TAF3: variants seen among roughly 807,000 people sequenced by gnomAD.
TAF3 encodes TATA-box binding protein associated factor 3.
TAF3 carries 7 observed loss-of-function variants against 80.6 expected under a neutral mutation model. The observed-to-expected ratio is 0.09, with a 90% CI of 0.05 to 0.16. TAF3 has a LOEUF of 0.16. TAF3 is among the 10% of genes least tolerant of loss of function. The probability of loss-of-function intolerance (pLI) is 1.00; values close to 1 mark genes in which losing one functional copy is unlikely to be tolerated. For missense variants in TAF3, 921 were observed against 1,140.2 expected (o/e 0.81, Z 2.77); for synonymous variants, 444 against 446.1 (o/e 1.00, Z 0.06).
At chr10:7,822,933 C>T (rs573083092) in intron 1 of TAF3, among the ~76,000 whole-genome samples, 2 of 152,264 alleles carry the variant, frequency 1.3e-5, no homozygotes, top group East Asian at 3.9e-4. Flanking sequence ...TTTCTAATTA[C>T]ATTTGAAAAT....
chr10:7,852,561 T>C (rs970408742), intron 2 of TAF3, among the ~76,000 whole-genome samples: 1 of 152,250 alleles, frequency 6.6e-6, no homozygotes, highest in East Asian at 1.9e-4. Context: ...CATAAATTGG[T>C]ATAGTCGGTT....
chr10:7,874,712 T>C lies in TAF3; in HGVS notation c.409+50152T>C, dbSNP rs146964743. On this transcript the variant is annotated intron_variant, in intron 2 of 6. Transcript: ENST00000344293. ...TTTTGTCTTAGTTTTTTTTTTCAGTTAATTTTCTGTGGCCCAAAACATGAC... is the reference window on the plus strand; with the variant it reads ...TTTTGTCTTAGTTTTTTTTTTCAGTCAATTTTCTGTGGCCCAAAACATGAC... Among the ~76,000 whole-genome samples, 562 of 152,146 alleles carry C rather than the reference T, an allele frequency of 3.7e-3. 4 individuals carry two copies. The highest frequency in any genetic ancestry group is 0.02 in the South Asian group (95 of 4,826).
rs981597333 is a variant in TAF3 at position 7,985,046 on chromosome 10, C to G, written c.2315+7723C>G. ...TCAGATACTTACATAAAGATTGCAG[C>G]TGCATGGTGCAACATCTCTTCGCTT... is the stretch of plus-strand genomic sequence containing the variant. On this transcript the variant is annotated intron_variant, in intron 4 of 6. Coordinates refer to ENST00000344293, the MANE Select transcript of TAF3 (RefSeq NM_031923.4). 6.6e-5 allele frequency among the ~76,000 whole-genome samples: 10 copies of G among 152,332 alleles called. No individual in the cohort carries two copies. In the East Asian group the frequency reaches 1.9e-3, roughly 29 times the overall value.
chr10:7,866,831 A>T (rs186733282), intron 2 of TAF3, among the ~76,000 whole-genome samples: 10 of 152,368 alleles, frequency 6.6e-5, no homozygotes, highest in Admixed American at 6.5e-4. Context: ...GAAAACAAAG[A>T]GAAGTGGTTT....
chr10:7,861,261 C>T (rs551861992), intron 2 of TAF3, among the ~76,000 whole-genome samples: 2 of 152,256 alleles, frequency 1.3e-5, no homozygotes, highest in Admixed American at 1.3e-4. Context: ...CCGCATCCGG[C>T]CCTGCACGGC....
chr10:7,864,415 C>T (rs953819953), intron 2 of TAF3, among the ~76,000 whole-genome samples: 2 of 152,182 alleles, frequency 1.3e-5, no homozygotes, highest in Non-Finnish European at 2.9e-5. Flanking sequence ...CATTGTGTCA[C>T]ATAGTTAACT....
At chr10:7,972,492 C>T (rs1281033632) in intron 3 of TAF3, among the ~76,000 whole-genome samples, 1 of 152,030 alleles carries the variant, frequency 6.6e-6, no homozygotes, top group African/African-American at 2.4e-5. Context: ...TTAATAGCTC[C>T]CTCTTTTCCT....
chr10:7,840,331 T>G (rs1836898886), intron 2 of TAF3, among the ~76,000 whole-genome samples: 1 of 151,942 alleles, frequency 6.6e-6, no homozygotes, highest in Non-Finnish European at 1.5e-5. Context: ...TGTTTGTATT[T>G]TTGGTAGAGA....
chr10:7,963,790 C>T (rs889203908), intron 2 of TAF3, 130 bp from the exon 3 acceptor site: 11 of 993,672 alleles, frequency 1.1e-5, no homozygotes, highest in Middle Eastern at 3.3e-4. Flanking sequence ...CCCATGTACC[C>T]TAGAACTTAA....
At chr10:7,985,296 A>G (rs1328043601) in intron 4 of TAF3, among the ~76,000 whole-genome samples, 3 of 152,092 alleles carry the variant, frequency 2.0e-5, no homozygotes, top group South Asian at 2.1e-4. Context: ...GTATGTGTCT[A>G]TGGTCAGCCC....
At chr10:7,858,620 G>A (rs893465166) in intron 2 of TAF3, among the ~76,000 whole-genome samples, 1 of 152,142 alleles carries the variant, frequency 6.6e-6, no homozygotes, top group Admixed American at 6.5e-5. Context: ...GTCTTTTTGT[G>A]TGTTCTGCCT....
chr10:7,862,761 A>G (rs1172618289), intron 2 of TAF3, among the ~76,000 whole-genome samples: 1 of 152,192 alleles, frequency 6.6e-6, no homozygotes, highest in African/African-American at 2.4e-5. Context: ...CTAGAATTTT[A>G]TATAAGTGAA....
intron 2 of TAF3, among the ~76,000 whole-genome samples, chr10:7,915,338 CT>C (rs1837700012): frequency 6.6e-6 from 1 of 150,838 alleles, no homozygotes; most frequent in Non-Finnish European, 1.5e-5. Flanking sequence ...TAGGTGAGGG[CT>C]TTTTAGGCTC....
At chr10:7,895,107 C>T (rs184384729) in intron 2 of TAF3, among the ~76,000 whole-genome samples, 4 of 152,288 alleles carry the variant, frequency 2.6e-5, no homozygotes, top group East Asian at 1.9e-4. Context: ...TTGGGTGATC[C>T]GCCTGCCTCG....
chr10:7,985,877 G>C (rs556811961), intron 4 of TAF3, among the ~76,000 whole-genome samples: 3 of 149,652 alleles, frequency 2.0e-5, no homozygotes, highest in East Asian at 3.9e-4. Context: ...TCCGCCTCCT[G>C]GGTTCAAGTG....
intron 2 of TAF3, among the ~76,000 whole-genome samples, chr10:7,896,363 A>G (rs1461812250): frequency 4.6e-5 from 7 of 152,194 alleles, no homozygotes; most frequent in East Asian, 3.9e-4. Flanking sequence ...TGTCCTGTGC[A>G]ACTACTCCCA....
intron 6 of TAF3, 94 bp from the exon 7 acceptor site, chr10:8,014,539 ACATG>A: frequency 9.5e-7 from 1 of 1,050,404 alleles, no homozygotes; most frequent in Non-Finnish European, 1.4e-6. Flanking sequence ...TTTCGGGTAA[ACATG>A]TCATAGACTC....
At chr10:7,933,903 G>A (rs1411468615) in intron 2 of TAF3, among the ~76,000 whole-genome samples, 1 of 152,150 alleles carries the variant, frequency 6.6e-6, no homozygotes, top group African/African-American at 2.4e-5. Flanking sequence ...TAGCATTTCT[G>A]AAATCCAGAT....
intron 2 of TAF3, among the ~76,000 whole-genome samples, chr10:7,918,061 A>T (rs994101805): frequency 1.1e-4 from 17 of 152,200 alleles, no homozygotes; most frequent in Non-Finnish European, 2.4e-4. Flanking sequence ...ATATTATGGC[A>T]TATTTGTATG....
Sources: gnomAD v4.1 joint callset for allele counts (sites outside exome capture counted in the v4.1 genomes callset) on GRCh38, gnomAD v4.1.1 for gene constraint, MANE v1.5 for transcripts, NCBI Gene and HGNC (gene_info 2026-07-23, HGNC 2026-07-21) for gene names.